UBOX5: variants seen among roughly 807,000 people sequenced by gnomAD.
The protein encoded by UBOX5 is U-box domain containing 5, also known as RING finger protein 37.
In UBOX5, 28 loss-of-function variants were observed where a neutral mutation model predicts 39.0. The observed-to-expected ratio is 0.72, with a 90% confidence interval of 0.53 to 0.98. The LOEUF is 0.98. UBOX5 is among the 50% of genes least tolerant of loss of function. The pLI is 0.00. For synonymous variants in UBOX5, 283 were observed against 275.5 expected (o/e 1.03, Z -0.27); for missense variants, 585 against 674.4 (o/e 0.87, Z 1.47).
chr20:3,110,183 G>C lies in UBOX5; in HGVS notation c.1549C>G (p.Gln517Glu). Residue 517 changes from glutamine to glutamate, a missense_variant, in exon 5 of 5, where the codon CAA becomes GAA. Gln to Glu is a conservative substitution (Grantham distance 29, BLOSUM62 2). Coordinates refer to ENST00000217173, the MANE Select transcript of UBOX5 (RefSeq NM_014948.4). ...GTGCACGTCATGGGCAGGGAGCGTT[G>C]CTTCTCACCCAGGCAGGGTCGGCAC... ...LLCRPCLGEK[Q>E]RSLPMTCTAC... 6.2e-7 allele frequency: 1 copy of C among 1,613,832 alleles called. No individual in the cohort carries two copies. The highest frequency in any genetic ancestry group is 8.5e-7 in the Non-Finnish European group (1 of 1,180,026).
chr20:3,147,387 T>A, intron 1 of UBOX5: 1 of 1,614,202 alleles, frequency 6.2e-7, no homozygotes, highest in Non-Finnish European at 8.5e-7. Flanking sequence ...AAAAAGACAG[T>A]TTCTAAGAAT....
Position 3,110,119 on chromosome 20 carries a change from C to T in UBOX5, c.1613G>A (p.Arg538Gln), listed in dbSNP as rs1453711369. 3.1e-6 allele frequency: 5 copies of T among 1,611,814 alleles called. No homozygotes were observed. The highest frequency in any genetic ancestry group is 1.3e-5 in the African/African-American group (1 of 74,870). The change falls in exon 5 of 5, where the codon CGG (arginine) becomes CAG (glutamine). Residue 538 changes from arginine (R) to glutamine (Q), a missense_variant. By Grantham distance (43) the Arg-to-Gln change is conservative. Transcript: ENST00000217173. ...QRPVASQDVL[R>Q]VHF ...GAGGTCAGTCACTCAGAAGTGGACC[C>T]GCAGCACGTCTTGGCTAGCAACCGG...
chr20:3,138,909 T>C (rs857252), intron 1 of UBOX5, among the ~76,000 whole-genome samples: 3 of 151,840 alleles, frequency 2.0e-5, no homozygotes, highest in Admixed American at 6.6e-5. Flanking sequence ...TTGAGTCTCA[T>C]AGAGATGTAA....
intron 1 of UBOX5, among the ~76,000 whole-genome samples, chr20:3,159,524 T>C (rs1401786060): frequency 6.6e-6 from 1 of 152,036 alleles, no homozygotes. Context: ...GGAAAAAAAA[T>C]CAAGGGTCAG....
At chr20:3,142,293 C>T (rs966653951) in intron 1 of UBOX5, among the ~76,000 whole-genome samples, 83 of 152,000 alleles carry the variant, frequency 5.5e-4, no homozygotes, top group African/African-American at 1.8e-3. Flanking sequence ...GAAACCCCAT[C>T]TCTACTAAAA....
Position 3,133,207 on chromosome 20 carries a change from C to A in UBOX5, c.-41-9801G>T, listed in dbSNP as rs534313801. On this transcript the variant is annotated intron_variant, in intron 1 of 4. Coordinates refer to ENST00000217173, the MANE Select transcript of UBOX5 (RefSeq NM_014948.4). ...TATCAAAGTCTTTAATAGGTATAAT[C>A]TCATCATCTATCTTGTTCCAATACC... is the stretch of plus-strand genomic sequence containing the variant. Among the ~76,000 whole-genome samples the A allele has an allele frequency of 2.0e-5, 3 of 152,274 alleles. No individual in the cohort carries two copies. In the South Asian group the frequency reaches 6.2e-4, roughly 32 times the overall value.
At chr20:3,127,481 A>G (rs2066399920) in intron 1 of UBOX5, among the ~76,000 whole-genome samples, 1 of 152,188 alleles carries the variant, frequency 6.6e-6, no homozygotes, top group South Asian at 2.1e-4. Context: ...CATATATGCT[A>G]AATTTTCTAG....
chr20:3,140,166 C>A (rs191660655), intron 1 of UBOX5, among the ~76,000 whole-genome samples: 65 of 151,736 alleles, frequency 4.3e-4, no homozygotes, highest in African/African-American at 1.5e-3. Flanking sequence ...GGATTATAGG[C>A]ACACACCATC....
At chr20:3,110,678 T>G in intron 4 of UBOX5, 2 of 291,540 alleles carry the variant, frequency 6.9e-6, no homozygotes, top group Admixed American at 4.6e-5. Flanking sequence ...CAAGATAAAC[T>G]GCAAGAAATG....
At chr20:3,114,206 G>A (rs2066276123) in intron 4 of UBOX5, among the ~76,000 whole-genome samples, 1 of 152,258 alleles carries the variant, frequency 6.6e-6, no homozygotes, top group South Asian at 2.1e-4. Context: ...AGAAGCAGGA[G>A]CTACAGGGGA....
chr20:3,148,963 T>C lies in UBOX5; in HGVS notation c.-42+10803A>G, dbSNP rs2066597497. 2.5e-6 allele frequency: 4 copies of C among 1,614,110 alleles called. No homozygotes were observed. In the African/African-American group the frequency reaches 4.0e-5, roughly 16 times the overall value. On this transcript the variant is annotated intron_variant, in intron 1 of 4. Transcript: ENST00000217173. ...CTGGAGGGTCCTGTCCCCCATGCTGTGTGCTGCTCACATTCCAGTATGACA... is the reference window on the plus strand; with the variant it reads ...CTGGAGGGTCCTGTCCCCCATGCTGCGTGCTGCTCACATTCCAGTATGACA...
chr20:3,126,892 TG>T (rs775183043), intron 1 of UBOX5, among the ~76,000 whole-genome samples: 17 of 151,400 alleles, frequency 1.1e-4, no homozygotes, highest in Non-Finnish European at 2.2e-4. Flanking sequence ...AAAAAGCAGT[TG>T]GGCATGGTGG....
chr20:3,157,784 C>T (rs567288788), intron 1 of UBOX5, among the ~76,000 whole-genome samples: 48 of 152,304 alleles, frequency 3.2e-4, no homozygotes, highest in East Asian at 7.7e-4. Flanking sequence ...GGTCCAAGTA[C>T]CTATAACTGT....
At chr20:3,148,837 C>T (rs1310340655) in intron 1 of UBOX5, 1 of 1,614,190 alleles carries the variant, frequency 6.2e-7, no homozygotes, top group South Asian at 1.1e-5. Flanking sequence ...TGCTGAATTC[C>T]AAACCTGGGT....
At position 3,157,113 on chromosome 20, in the gene UBOX5, A is replaced by G. The variant is rs533337321; in HGVS notation, c.-42+2653T>C. On this transcript the variant is annotated intron_variant, in intron 1 of 4. Coordinates refer to ENST00000217173, the MANE Select transcript of UBOX5 (RefSeq NM_014948.4). ...CTGTCTCTACCAAAAAAAAAGGGCA[A>G]AAAAACCGAACTTTCTCTAGGTGCT... is the stretch of plus-strand genomic sequence containing the variant. 3.9e-5 allele frequency among the ~76,000 whole-genome samples: 6 copies of G among 152,272 alleles called. No homozygotes were observed. In the South Asian group the frequency reaches 1.2e-3, roughly 32 times the overall value.
chr20:3,143,343 C>G (rs1340130213), intron 1 of UBOX5, among the ~76,000 whole-genome samples: 7 of 151,968 alleles, frequency 4.6e-5, no homozygotes, highest in Non-Finnish European at 1.0e-4. Flanking sequence ...CTCAAGTGGT[C>G]TGCCCGCCTC....
Position 3,109,869 on chromosome 20 carries a change from G to T in UBOX5, c.*237C>A. 1 of 577,926 alleles carries T rather than the reference G, an allele frequency of 1.7e-6. No homozygotes were observed. Among genetic ancestry groups the T allele is most frequent in the Non-Finnish European group, 3.1e-6 (1 of 327,552 alleles). The allele number at this position is 577,926 out of a possible 1,614,324, so 35.8% of individuals were successfully genotyped here. ...CTCCAGTGGGTCCTGGGCTCAGGCA[G>T]GGGGGGTGGCAGGGAGGCAGGGACA... On this transcript the variant is annotated 3_prime_UTR_variant, in exon 5 of 5. Transcript: ENST00000217173.
rs749895428 is a variant in UBOX5 at position 3,121,635 on chromosome 20, T to C, written c.1004A>G (p.His335Arg). The C allele has an allele frequency of 2.9e-5, 47 of 1,610,942 alleles. 1 individual carries two copies. The South Asian group carries it at 4.7e-4, about 16-fold the overall frequency. ...KARIDHFLLQ[H>R]SIPGCHLLGR... ...AAGCAGGTGGCAGCCAGGGATGGAG[T>C]GCTGGAGCAGGAAATGGTCAATCCG... The change falls in exon 3 of 5, where the codon CAC becomes CGC. Residue 335 changes from histidine to arginine, a missense_variant. By Grantham distance (29) the His-to-Arg change is conservative. Transcript: ENST00000217173.
chr20:3,132,007 C>CAAA lies in UBOX5; in HGVS notation c.-41-8604_-41-8602dup, dbSNP rs35711232. ...TGGGCAATAGAGTGAGACACTGTCTCAAAAAAAAAAAAAAAAAAAAAACTG... is the reference window on the plus strand; with the variant it reads ...TGGGCAATAGAGTGAGACACTGTCTCAAAAAAAAAAAAAAAAAAAAAAAAACTG... On this transcript the variant is annotated intron_variant, in intron 1 of 4. Transcript: ENST00000217173. Among the ~76,000 whole-genome samples the CAAA allele has an allele frequency of 2.4e-3, 125 of 51,922 alleles. 4 individuals are homozygous for CAAA. Among genetic ancestry groups the CAAA allele is most frequent in the Admixed American group, 4.9e-3 (19 of 3,866 alleles). 34.1% of individuals were successfully genotyped at this position (51,922 alleles called of 152,430 possible).
Sources: gnomAD v4.1 joint callset for allele counts (sites outside exome capture counted in the v4.1 genomes callset) on GRCh38, gnomAD v4.1.1 for gene constraint, MANE v1.5 for transcripts, NCBI Gene and HGNC (gene_info 2026-07-23, HGNC 2026-07-21) for gene names.